The following KLHL1 variants were observed in gnomAD, a reference collection of about 807,000 sequenced individuals.
The protein encoded by KLHL1 is kelch like family member 1, also known as kelch-like protein 1.
A neutral mutation model predicts 77.7 loss-of-function variants in KLHL1; 47 were observed. The ratio of observed to expected loss-of-function variants is 0.60; its 90% CI spans 0.48 to 0.77. The LOEUF (loss-of-function observed/expected upper bound fraction) is 0.77, where lower values mean the gene tolerates loss of function less well. KLHL1 is among the 30% of genes least tolerant of loss of function. KLHL1 has a pLI of 0.00. For missense variants in KLHL1, 925 were observed against 910.8 expected, an observed-to-expected ratio of 1.02 and a Z score of -0.20; for synonymous variants, 360 against 325.2, an observed-to-expected ratio of 1.11 and a Z score of -1.15.
At chr13:69,735,357 C>G (rs1391442900) in intron 8 of KLHL1, among the ~76,000 whole-genome samples, 1 of 150,808 alleles carries the variant, frequency 6.6e-6, no homozygotes. Flanking sequence ...GGTAATCATT[C>G]TAAAAATATA....
At chr13:69,902,664 C>T (rs1269101834) in intron 4 of KLHL1, among the ~76,000 whole-genome samples, 1 of 149,446 alleles carries the variant, frequency 6.7e-6, no homozygotes, top group Non-Finnish European at 1.5e-5. Flanking sequence ...GGACAAAAAC[C>T]AAACACCACA....
At chr13:69,756,159 G>A (rs1874723080) in intron 7 of KLHL1, among the ~76,000 whole-genome samples, 1 of 152,094 alleles carries the variant, frequency 6.6e-6, no homozygotes, top group Non-Finnish European at 1.5e-5. Flanking sequence ...CACCAAATGA[G>A]GCAGTTGTTA....
chr13:69,729,568 G>A (rs949967253), intron 8 of KLHL1, among the ~76,000 whole-genome samples: 13 of 152,098 alleles, frequency 8.5e-5, no homozygotes, highest in African/African-American at 3.1e-4. Flanking sequence ...AAAAATGTAA[G>A]AGGGTGATGT....
chr13:69,776,835 A>T (rs1875852779), intron 7 of KLHL1, among the ~76,000 whole-genome samples: 1 of 152,200 alleles, frequency 6.6e-6, no homozygotes, highest in African/African-American at 2.4e-5. Flanking sequence ...TTCTCTTAAC[A>T]GCTCTTTCTG....
intron 6 of KLHL1, among the ~76,000 whole-genome samples, chr13:69,832,655 C>A (rs555994883): frequency 7.4e-6 from 1 of 135,568 alleles, no homozygotes; most frequent in African/African-American, 3.1e-5. Flanking sequence ...TAAACAACAA[C>A]AACAACAACA....
Position 69,839,002 on chromosome 13 carries a change from G to C in KLHL1, c.1388C>G (p.Ala463Gly), listed in dbSNP as rs1406768083. 6.2e-7 allele frequency: 1 copy of C among 1,608,544 alleles called. No individual in the cohort carries two copies. ...TTTGTTGTTATCCATTCCTCCTACA[G>C]CATACAAAGTTCCGACTGTAGATTT... ...PRKSTVGTLY[A>G]VGGMDNNKGA... is the part of the protein sequence containing the mutation. Residue 463 changes from alanine to glycine, a missense_variant, in exon 6 of 11, where the codon GCT becomes GGT. By Grantham distance (60) the Ala-to-Gly change is moderately conservative. Transcript: ENST00000377844.
At chr13:69,846,989 A>C (rs1386816775) in intron 5 of KLHL1, among the ~76,000 whole-genome samples, 1 of 151,414 alleles carries the variant, frequency 6.6e-6, no homozygotes, top group Non-Finnish European at 1.5e-5. Flanking sequence ...AATAGAATCA[A>C]TTTTCATGTC....
At chr13:70,038,802 G>A (rs1294105497) in intron 1 of KLHL1, among the ~76,000 whole-genome samples, 1 of 151,856 alleles carries the variant, frequency 6.6e-6, no homozygotes, top group Middle Eastern at 3.4e-3. Context: ...CGTTGGCCAG[G>A]CTGGTCTCAA....
chr13:69,828,136 C>A lies in KLHL1; in HGVS notation c.1414+10840G>T, dbSNP rs114405896. Among the ~76,000 whole-genome samples the A allele has an allele frequency of 6.4e-3, 956 of 150,260 alleles. 104 individuals carry two copies. The highest frequency in any genetic ancestry group is 0.022 in the African/African-American group (901 of 40,106). On this transcript the variant is annotated intron_variant, in intron 6 of 10. Coordinates refer to ENST00000377844, the MANE Select transcript of KLHL1 (RefSeq NM_020866.3). ...TAATGCAGGAACATAGCAGGAAAACCAAAGGAATTCACAGACCCTTTGAAA... is the reference window on the plus strand; with the variant it reads ...TAATGCAGGAACATAGCAGGAAAACAAAAGGAATTCACAGACCCTTTGAAA...
intron 5 of KLHL1, among the ~76,000 whole-genome samples, chr13:69,870,680 A>G (rs1880547015): frequency 6.6e-6 from 1 of 151,994 alleles, no homozygotes; most frequent in African/African-American, 2.4e-5. Context: ...TTATGCAAGC[A>G]TCGGGTAAAC....
intron 8 of KLHL1, among the ~76,000 whole-genome samples, chr13:69,733,363 G>A (rs1873632813): frequency 6.6e-6 from 1 of 152,078 alleles, no homozygotes; most frequent in South Asian, 2.1e-4. Context: ...TGCAAACAAT[G>A]TGAGAAGACA....
chr13:69,723,660 C>T (rs1243894133), intron 8 of KLHL1, among the ~76,000 whole-genome samples: 1 of 152,006 alleles, frequency 6.6e-6, no homozygotes, highest in African/African-American at 2.4e-5. Flanking sequence ...TAAACCCCTC[C>T]AGCATTAACA....
intron 9 of KLHL1, among the ~76,000 whole-genome samples, chr13:69,708,477 A>T (rs1301523603): frequency 6.6e-6 from 1 of 151,998 alleles, no homozygotes; most frequent in East Asian, 1.9e-4. Context: ...ATAGAAAAAT[A>T]GCCTTTGAAA....
At chr13:69,977,587 A>ATAAT (rs1273532735) in intron 1 of KLHL1, among the ~76,000 whole-genome samples, 1 of 152,156 alleles carries the variant, frequency 6.6e-6, no homozygotes, top group Non-Finnish European at 1.5e-5. Flanking sequence ...ATGTGAGGAA[A>ATAAT]TAATGGCCAA....
chr13:69,793,353 T>A (rs1171504520), intron 7 of KLHL1, among the ~76,000 whole-genome samples: 1 of 152,064 alleles, frequency 6.6e-6, no homozygotes, highest in Non-Finnish European at 1.5e-5. Flanking sequence ...TTTGCTCCCT[T>A]GATGTCACAG....
intron 6 of KLHL1, among the ~76,000 whole-genome samples, chr13:69,811,669 GA>G (rs538254908): frequency 2.0e-5 from 3 of 151,536 alleles, no homozygotes; most frequent in Admixed American, 6.6e-5. Context: ...ATCCAAGTAG[GA>G]AAAAAAAGTC....
chr13:69,737,225 C>T (rs1593785677), intron 8 of KLHL1, among the ~76,000 whole-genome samples: 1 of 152,238 alleles, frequency 6.6e-6, no homozygotes, highest in Non-Finnish European at 1.5e-5. Flanking sequence ...CCAGGGCCTT[C>T]AGTCACAAGC....
intron 3 of KLHL1, among the ~76,000 whole-genome samples, chr13:69,956,932 C>A (rs912272573): frequency 1.3e-5 from 2 of 151,638 alleles, no homozygotes; most frequent in African/African-American, 4.8e-5. Flanking sequence ...GATGGAATAT[C>A]TGAAGTTCTA....
intron 1 of KLHL1, among the ~76,000 whole-genome samples, chr13:69,999,660 T>A (rs964502520): frequency 6.6e-6 from 1 of 152,014 alleles, no homozygotes; most frequent in Non-Finnish European, 1.5e-5. Context: ...CTGACTGGGA[T>A]GGCACCTAGC....
Sources: gnomAD v4.1 joint callset for allele counts (sites outside exome capture counted in the v4.1 genomes callset) on GRCh38, gnomAD v4.1.1 for gene constraint, MANE v1.5 for transcripts, NCBI Gene and HGNC (gene_info 2026-07-23, HGNC 2026-07-21) for gene names.